AGBL1: variants seen among roughly 807,000 people sequenced by gnomAD.
AGBL1 encodes the protein cytosolic carboxypeptidase 4.
A neutral mutation model predicts 118.9 loss-of-function variants in AGBL1; 130 were observed. The ratio of observed to expected loss-of-function variants is 1.09; its 90% CI spans 0.95 to 1.26. The LOEUF (loss-of-function observed/expected upper bound fraction) is 1.26, where lower values mean the gene tolerates loss of function less well. Ranked by LOEUF, AGBL1 falls within the 50% of genes most tolerant of loss-of-function variation. AGBL1 has a pLI of 0.00. For missense variants in AGBL1, 1,584 were observed against 1,298.1 expected (o/e 1.22, Z -3.38); for synonymous variants, 555 against 478.9 (o/e 1.16, Z -2.08).
chr15:86,553,028 G>A (rs1246184736), intron 20 of AGBL1, among the ~76,000 whole-genome samples: 3 of 152,172 alleles, frequency 2.0e-5, no homozygotes, highest in African/African-American at 7.2e-5. Flanking sequence ...TTTGCTCAAT[G>A]TTCTAGAAAT....
chr15:86,881,450 T>G lies in AGBL1; in HGVS notation c.3159-25637T>G, dbSNP rs1184023258. Among the ~76,000 whole-genome samples, 8 of 152,256 alleles carry G rather than the reference T, an allele frequency of 5.3e-5. No homozygotes were observed. The East Asian group carries it at 1.5e-3, about 29-fold the overall frequency. ...CTCAATCTCTCTTTGTAAAGCTGCT[T>G]TTATGAAAACAGTCATTCCTCCTTG... On this transcript the variant is annotated intron_variant, in intron 22 of 22. Transcript: ENST00000614907.
At chr15:86,420,149 G>A (rs1313459007) in intron 18 of AGBL1, among the ~76,000 whole-genome samples, 1 of 152,224 alleles carries the variant, frequency 6.6e-6, no homozygotes, top group Non-Finnish European at 1.5e-5. Context: ...GTGGGTCCCT[G>A]ACTTGTGTGC....
intron 1 of AGBL1, among the ~76,000 whole-genome samples, chr15:86,118,762 G>T (rs1897918978): frequency 6.6e-6 from 1 of 151,730 alleles, no homozygotes; most frequent in African/African-American, 2.4e-5. Context: ...GCTTTTTTTG[G>T]GTGGGGTGGG....
intron 22 of AGBL1, among the ~76,000 whole-genome samples, chr15:86,718,190 C>A (rs539156043): frequency 2.6e-5 from 4 of 152,254 alleles, no homozygotes; most frequent in East Asian, 1.9e-4. Flanking sequence ...TAAGGCTGAT[C>A]GCTGCCCAGC....
At chr15:86,668,253 A>G (rs1370140106) in intron 21 of AGBL1, among the ~76,000 whole-genome samples, 1 of 152,192 alleles carries the variant, frequency 6.6e-6, no homozygotes, top group African/African-American at 2.4e-5. Flanking sequence ...CACCTTTGAG[A>G]TATTGGAAAA....
At chr15:86,207,028 T>C (rs986747070) in intron 5 of AGBL1, among the ~76,000 whole-genome samples, 1 of 152,236 alleles carries the variant, frequency 6.6e-6, no homozygotes, top group African/African-American at 2.4e-5. Flanking sequence ...TTTGTACATA[T>C]GGCTAGCCAG....
intron 22 of AGBL1, among the ~76,000 whole-genome samples, chr15:86,740,181 G>A (rs986161362): frequency 2.0e-5 from 3 of 152,170 alleles, no homozygotes; most frequent in Non-Finnish European, 4.4e-5. Context: ...GGAAGAGTTG[G>A]ACAGTTTTGT....
rs1267435401 is a variant in AGBL1, at chr15:86,908,255, C to T, written c.*961C>T. On this transcript the variant is annotated 3_prime_UTR_variant, in exon 23 of 23. Coordinates refer to ENST00000614907, the MANE Select transcript of AGBL1 (RefSeq NM_001386094.1). ...CATTGGCTTATTTTTCTTCATAACACAAAAGAACATTCTATATAAGAATTC... is the reference window on the plus strand; with the variant it reads ...CATTGGCTTATTTTTCTTCATAACATAAAAGAACATTCTATATAAGAATTC... 1 of 152,132 alleles carries T rather than the reference C, an allele frequency of 6.6e-6. No individual in the cohort carries two copies. The highest frequency in any genetic ancestry group is 1.9e-4 in the East Asian group (1 of 5,202). 9.4% of individuals were successfully genotyped at this position (152,132 alleles called of 1,614,324 possible).
chr15:86,081,350 T>C (rs1294820349), intron 1 of AGBL1, among the ~76,000 whole-genome samples: 1 of 152,142 alleles, frequency 6.6e-6, no homozygotes, highest in Non-Finnish European at 1.5e-5. Flanking sequence ...CATTTTTCTC[T>C]GATTCTTAAG....
intron 14 of AGBL1, 44 bp from the exon 15 acceptor site, chr15:86,271,575 A>G (rs1468999474): frequency 8.9e-6 from 13 of 1,457,794 alleles, no homozygotes; most frequent in Non-Finnish European, 9.6e-6. Flanking sequence ...GCCCAGAACA[A>G]CTCTCTTTCC....
At chr15:86,222,666 T>G (rs1566091) in intron 5 of AGBL1, among the ~76,000 whole-genome samples, 1 of 152,006 alleles carries the variant, frequency 6.6e-6, no homozygotes, top group Non-Finnish European at 1.5e-5. Context: ...GATCTCCTAC[T>G]TATGCCCTAG....
intron 4 of AGBL1, among the ~76,000 whole-genome samples, chr15:86,156,255 C>A (rs1200730557): frequency 6.6e-6 from 1 of 152,230 alleles, no homozygotes; most frequent in Middle Eastern, 3.4e-3. Flanking sequence ...ATTTGGAGCT[C>A]AGGATGTCGG....
chr15:87,030,958 C>T (rs147206862), downstream of AGBL1, among the ~76,000 whole-genome samples: 69 of 152,000 alleles, frequency 4.5e-4, no homozygotes, highest in African/African-American at 1.6e-3. Flanking sequence ...CTGATATTTC[C>T]GATACAACCA....
chr15:86,733,597 G>A (rs116446236), intron 22 of AGBL1, among the ~76,000 whole-genome samples: 8 of 152,060 alleles, frequency 5.3e-5, no homozygotes, highest in Non-Finnish European at 7.4e-5. Context: ...ATTCCCAGTG[G>A]TTTGTTGTTG....
intron 24 of AGBL1, among the ~76,000 whole-genome samples, chr15:87,004,663 C>T (rs991001681): frequency 1.3e-5 from 2 of 152,108 alleles, no homozygotes; most frequent in East Asian, 1.9e-4. Flanking sequence ...CTGTGTCTTT[C>T]AATTGGAGCA....
At chr15:86,276,936 C>G (rs1413596659) in intron 15 of AGBL1, among the ~76,000 whole-genome samples, 1 of 152,070 alleles carries the variant, frequency 6.6e-6, no homozygotes, top group Non-Finnish European at 1.5e-5. Flanking sequence ...CTTTGAAGGT[C>G]CTGGGAAAGT....
intron 18 of AGBL1, among the ~76,000 whole-genome samples, chr15:86,496,962 A>G (rs903564788): frequency 2.6e-5 from 4 of 152,008 alleles, no homozygotes; most frequent in Non-Finnish European, 4.4e-5. Flanking sequence ...TGATATACAT[A>G]TACAGTGTGA....
chr15:86,620,871 C>T (rs978814693), intron 21 of AGBL1, among the ~76,000 whole-genome samples: 1 of 151,878 alleles, frequency 6.6e-6, no homozygotes, highest in African/African-American at 2.4e-5. Context: ...CTGCATGTCT[C>T]TCTTCACGGC....
Position 86,262,868 on chromosome 15 carries a change from T to C in AGBL1, c.1060T>C (p.Cys354Arg). 5.6e-6 allele frequency: 9 copies of C among 1,607,956 alleles called. No individual in the cohort carries two copies. Among genetic ancestry groups the C allele is most frequent in the Non-Finnish European group, 6.8e-6 (8 of 1,176,786 alleles). The change falls in exon 10 of 23, where the codon TGT becomes CGT. Residue 354 changes from cysteine to arginine, a missense_variant. Physicochemically the swap from Cys to Arg is radical, Grantham distance 180. Coordinates refer to ENST00000614907, the MANE Select transcript of AGBL1 (RefSeq NM_001386094.1). Reference sequence around the variant, plus strand: ...GGAACTGATGCAATATGAGGTGATGTGTCTTGAGCTCTCCTATAGCTTTGA... The same window carrying C: ...GGAACTGATGCAATATGAGGTGATGCGTCTTGAGCTCTCCTATAGCTTTGA... The part of the protein sequence containing the change: ...EEELMQYEVM[C>R]LELSYSFEEL...
Sources: gnomAD v4.1 joint callset for allele counts (sites outside exome capture counted in the v4.1 genomes callset) on GRCh38, gnomAD v4.1.1 for gene constraint, MANE v1.5 for transcripts, NCBI Gene and HGNC (gene_info 2026-07-23, HGNC 2026-07-21) for gene names.